MRPS28: variants seen among roughly 807,000 people sequenced by gnomAD.
The protein encoded by MRPS28 is mitochondrial ribosomal protein S28.
Under a neutral mutation model 10.8 loss-of-function variants are expected in MRPS28, and 7 were observed. The observed-to-expected ratio is 0.65, with a 90% CI of 0.37 to 1.22. The LOEUF (loss-of-function observed/expected upper bound fraction) is 1.22, where lower values mean the gene tolerates loss of function less well. MRPS28 is among the 50% of genes most tolerant of loss of function. The pLI, the probability that MRPS28 is intolerant of heterozygous loss-of-function variation, is 0.02. For synonymous variants in MRPS28, 121 were observed against 93.3 expected (o/e 1.30, Z -1.71); for missense variants, 265 against 232.9 (o/e 1.14, Z -0.90).
chr8:79,977,353 G>T (rs1471128902), intron 2 of MRPS28, among the ~76,000 whole-genome samples: 5 of 151,888 alleles, frequency 3.3e-5, no homozygotes. Flanking sequence ...CAGAAATATC[G>T]ACATAAATCC....
At chr8:80,030,005 C>T in intron 1 of MRPS28, 31 bp downstream of exon 1, 3 of 1,599,244 alleles carry the variant, frequency 1.9e-6, no homozygotes, top group Non-Finnish European at 2.6e-6. Flanking sequence ...GCGTAATTCC[C>T]GCGACTCCCT....
intron 2 of MRPS28, among the ~76,000 whole-genome samples, chr8:80,001,502 T>C (rs995678773): frequency 3.3e-5 from 5 of 152,206 alleles, no homozygotes; most frequent in Admixed American, 6.5e-5. Context: ...ACAATAACAA[T>C]AGTAGCATTT....
intron 1 of MRPS28, among the ~76,000 whole-genome samples, chr8:80,021,533 A>T (rs1245759397): frequency 6.6e-6 from 1 of 152,210 alleles, no homozygotes; most frequent in Non-Finnish European, 1.5e-5. Context: ...GACTGGGACC[A>T]AGGGATGCTT....
intron 2 of MRPS28, among the ~76,000 whole-genome samples, chr8:79,982,920 C>G (rs965863315): frequency 1.4e-5 from 2 of 144,732 alleles, no homozygotes; most frequent in Admixed American, 6.9e-5. Flanking sequence ...CAGTGGTTCT[C>G]CCAGCACACA....
chr8:79,983,735 A>G (rs1173252137), intron 2 of MRPS28, among the ~76,000 whole-genome samples: 1 of 152,336 alleles, frequency 6.6e-6, no homozygotes. Context: ...AAAAGAATAA[A>G]GAGAAACGAA....
intron 1 of MRPS28, among the ~76,000 whole-genome samples, chr8:80,020,796 C>T (rs1809337213): frequency 6.6e-6 from 1 of 152,078 alleles, no homozygotes; most frequent in Non-Finnish European, 1.5e-5. Context: ...CCAACGAACA[C>T]ACATTTACAG....
intron 2 of MRPS28, chr8:79,958,567 G>T: frequency 3.6e-6 from 2 of 563,086 alleles, no homozygotes; most frequent in Admixed American, 3.4e-5. Flanking sequence ...GTCACTAATT[G>T]ATTTTGTTGA....
chr8:79,933,935 A>G (rs1238262087), intron 2 of MRPS28, among the ~76,000 whole-genome samples: 2 of 152,214 alleles, frequency 1.3e-5, no homozygotes, highest in Non-Finnish European at 2.9e-5. Flanking sequence ...CCACTAAAGA[A>G]GTAATGCTCT....
At chr8:79,930,787 G>A (rs975285153) in intron 2 of MRPS28, among the ~76,000 whole-genome samples, 1 of 152,102 alleles carries the variant, frequency 6.6e-6, no homozygotes, top group African/African-American at 2.4e-5. Flanking sequence ...TATCTCTAGG[G>A]TGACTTTGTT....
intron 2 of MRPS28, among the ~76,000 whole-genome samples, chr8:79,954,577 T>C (rs1357748138): frequency 6.6e-6 from 1 of 152,196 alleles, no homozygotes; most frequent in African/African-American, 2.4e-5. Flanking sequence ...AGCCTGCATT[T>C]GCAAGTATTA....
At chr8:79,976,365 G>A (rs1807799406) in intron 2 of MRPS28, among the ~76,000 whole-genome samples, 1 of 152,168 alleles carries the variant, frequency 6.6e-6, no homozygotes, top group African/African-American at 2.4e-5. Flanking sequence ...TTACAGGCGT[G>A]AGCCACCGCA....
At chr8:79,949,423 A>C (rs541208469) in intron 2 of MRPS28, among the ~76,000 whole-genome samples, 6 of 151,918 alleles carry the variant, frequency 3.9e-5, no homozygotes, top group East Asian at 3.9e-4. Context: ...CAAAAAAAAA[A>C]AAAAACAACA....
chr8:80,016,034 A>G (rs1193651520), intron 1 of MRPS28, among the ~76,000 whole-genome samples: 1 of 152,168 alleles, frequency 6.6e-6, no homozygotes, highest in Non-Finnish European at 1.5e-5. Flanking sequence ...TGAACAGAAT[A>G]TTCAAGAACT....
chr8:79,983,925 G>A (rs532496358), intron 2 of MRPS28, among the ~76,000 whole-genome samples: 4 of 152,044 alleles, frequency 2.6e-5, no homozygotes, highest in African/African-American at 4.8e-5. Flanking sequence ...TACAGAAAAC[G>A]CCACAAAGAT....
intron 2 of MRPS28, among the ~76,000 whole-genome samples, chr8:79,964,385 A>G (rs184496497): frequency 6.6e-6 from 1 of 152,300 alleles, no homozygotes; most frequent in Admixed American, 6.5e-5. Flanking sequence ...GACTATAAAC[A>G]GACAGATACT....
At chr8:79,989,196 CT>C (rs1212182304) in intron 2 of MRPS28, among the ~76,000 whole-genome samples, 1 of 151,900 alleles carries the variant, frequency 6.6e-6, no homozygotes, top group Non-Finnish European at 1.5e-5. Context: ...GGGAAACATG[CT>C]AAAATGTTTG....
At chr8:80,013,574 C>T (rs1159007700) in intron 1 of MRPS28, among the ~76,000 whole-genome samples, 4 of 131,314 alleles carry the variant, frequency 3.0e-5, no homozygotes, top group Non-Finnish European at 6.1e-5. Flanking sequence ...GTGGAGGTTA[C>T]GGTGAGCTGA....
chr8:79,952,351 C>G (rs1277225224), intron 2 of MRPS28, among the ~76,000 whole-genome samples: 1 of 152,134 alleles, frequency 6.6e-6, no homozygotes, highest in Non-Finnish European at 1.5e-5. Flanking sequence ...TCTTCCTACC[C>G]TAACCTTCCA....
intron 1 of MRPS28, among the ~76,000 whole-genome samples, chr8:80,020,587 G>A (rs1809329930): frequency 1.3e-5 from 2 of 152,198 alleles, no homozygotes; most frequent in African/African-American, 4.8e-5. Flanking sequence ...TGATAGAACA[G>A]TAGTCTGAAA....
Sources: gnomAD v4.1 joint callset for allele counts (sites outside exome capture counted in the v4.1 genomes callset) on GRCh38, gnomAD v4.1.1 for gene constraint, MANE v1.5 for transcripts, NCBI Gene and HGNC (gene_info 2026-07-23, HGNC 2026-07-21) for gene names.